Variants in SATB2 observed in about 807,000 individuals in gnomAD.
SATB2 encodes DNA-binding protein SATB2.
A neutral mutation model predicts 73.4 loss-of-function variants in SATB2; 1 was observed. The observed-to-expected ratio is 0.01, with a 90% CI of 0.00 to 0.06. The LOEUF (loss-of-function observed/expected upper bound fraction) is 0.06, where lower values mean the gene tolerates loss of function less well. Among genes scored for constraint, SATB2 ranks in the 10% least tolerant of loss-of-function variants. SATB2 has a pLI of 1.00. For missense variants in SATB2, 459 were observed against 945.8 expected, an observed-to-expected ratio of 0.49 and a Z score of 6.75; for synonymous variants, 397 against 367.0, an observed-to-expected ratio of 1.08 and a Z score of -0.93.
At chr2:199,274,311 GATCC>G (rs1176045226) in intron 10 of SATB2, among the ~76,000 whole-genome samples, 4 of 151,702 alleles carry the variant, frequency 2.6e-5, no homozygotes, top group Non-Finnish European at 5.9e-5. Flanking sequence ...CTACCCATAT[GATCC>G]ATGTCTTTTA....
chr2:199,451,091 AACAC>A (rs56071011), intron 2 of SATB2, among the ~76,000 whole-genome samples: 6,332 of 139,174 alleles, frequency 0.045, 167 homozygotes, highest in East Asian at 0.12. Flanking sequence ...ATGTAGTTCC[AACAC>A]ACACACACAC....
chr2:199,386,696 G>A (rs1290860813), intron 3 of SATB2, among the ~76,000 whole-genome samples: 2 of 418 alleles, frequency 4.8e-3, no homozygotes, highest in African/African-American at 7.9e-3. Context: ...ACGTGCGCAA[G>A]CGCGCGCGCG....
rs369288485 is a variant in SATB2 at position 199,364,728 on chromosome 2, T to C, written c.700+3877A>G. 1.4e-4 allele frequency among the ~76,000 whole-genome samples: 22 copies of C among 152,284 alleles called. No homozygotes were observed. The East Asian group carries it at 3.3e-3, about 23-fold the overall frequency. The stretch of plus-strand genomic sequence containing the variant: ...CAATTCTTGAGGCATATTAAATAAT[T>C]GGGATTGACCTCACCAAAGATGACT... On this transcript the variant is annotated intron_variant, in intron 6 of 10. Transcript: ENST00000417098.
intron 7 of SATB2, among the ~76,000 whole-genome samples, chr2:199,341,387 G>A (rs1431438612): frequency 1.3e-5 from 2 of 152,214 alleles, no homozygotes; most frequent in East Asian, 3.8e-4. Flanking sequence ...GAGTAGGGCC[G>A]AGAGGCAAAG....
intron 3 of SATB2, among the ~76,000 whole-genome samples, chr2:199,383,756 T>C (rs1478379921): frequency 2.6e-5 from 4 of 152,226 alleles, no homozygotes; most frequent in Non-Finnish European, 4.4e-5. Context: ...GTGGTGTCAG[T>C]AGTTGATTCC....
rs143750406 is a variant in SATB2, at chr2:199,324,441, G to A, written c.1387-483C>T. Among the ~76,000 whole-genome samples the A allele has an allele frequency of 7.8e-4, 119 of 152,138 alleles. 1 individual carries two copies. The highest frequency in any genetic ancestry group is 3.3e-3 in the East Asian group (17 of 5,174). On this transcript the variant is annotated intron_variant, in intron 8 of 10. Coordinates refer to ENST00000417098, the MANE Select transcript of SATB2 (RefSeq NM_001172509.2). ...TATTAAAGCTTTACATATGTCATTCGAGTATGTATGGTTTCCCATCATTAT... is the reference window on the plus strand; with the variant it reads ...TATTAAAGCTTTACATATGTCATTCAAGTATGTATGGTTTCCCATCATTAT...
At chr2:199,386,684 A>G (rs1233475110) in intron 3 of SATB2, among the ~76,000 whole-genome samples, 1 of 125,494 alleles carries the variant, frequency 8.0e-6, no homozygotes, top group Non-Finnish European at 1.6e-5. Context: ...AATATTTCAT[A>G]CACGTGCGCA....
chr2:199,273,735 T>C (rs10184595), intron 10 of SATB2, among the ~76,000 whole-genome samples: 5,102 of 152,300 alleles, frequency 0.033, 303 homozygotes, highest in African/African-American at 0.12. Flanking sequence ...GGGTTTTTTT[T>C]CTCCTAATGT....
In SATB2 at chr2:199,315,164, T is replaced by TTC. The variant is rs533442354; in HGVS notation, c.1543-6209_1543-6208dup. Reference sequence around the variant, plus strand: ...CTGTTATCATTTTAACCACTTTCTTTTCTCTCTCTGTGTGTATATATGCAT... The same window carrying TTC: ...CTGTTATCATTTTAACCACTTTCTTTTCTCTCTCTCTGTGTGTATATATGCAT... On this transcript the variant is annotated intron_variant, in intron 9 of 10. Coordinates refer to ENST00000417098, the MANE Select transcript of SATB2 (RefSeq NM_001172509.2). 1.1e-3 allele frequency among the ~76,000 whole-genome samples: 173 copies of TTC among 152,204 alleles called. 1 individual carries two copies. The highest frequency in any genetic ancestry group is 3.9e-3 in the African/African-American group (163 of 41,484).
intron 7 of SATB2, among the ~76,000 whole-genome samples, chr2:199,332,389 C>T (rs1366094603): frequency 6.6e-6 from 1 of 152,020 alleles, no homozygotes; most frequent in Non-Finnish European, 1.5e-5. Flanking sequence ...GGAAGTTGGC[C>T]TTTTCCATAG....
intron 3 of SATB2, among the ~76,000 whole-genome samples, chr2:199,417,066 A>ACACT: frequency 1.3e-5 from 2 of 150,398 alleles, no homozygotes; most frequent in South Asian, 4.2e-4. Context: ...ACACACACAC[A>ACACT]CACACTCACA....
At position 199,457,799 on chromosome 2, in the gene SATB2, G is replaced by A. The variant is rs1326983033; in HGVS notation, c.-520C>T. ...TAGCTCGCGAGGAGGCGCGGCCAGA[G>A]CGGTGGGACCGGTAACACCAAGAGC... On this transcript the variant is annotated 5_prime_UTR_variant, in exon 1 of 11. Coordinates refer to ENST00000417098, the MANE Select transcript of SATB2 (RefSeq NM_001172509.2). This position sits in a 1 kb window ranked among gnomAD's most constrained non-coding sequence, Gnocchi z 4.8. The A allele has an allele frequency of 1.9e-5, 3 of 155,616 alleles. No individual in the cohort carries two copies. Among genetic ancestry groups the A allele is most frequent in the Non-Finnish European group, 4.3e-5 (3 of 70,052 alleles). The allele number at this position is 155,616 out of a possible 1,614,324, so 9.6% of individuals were successfully genotyped here.
chr2:199,331,955 A>T (rs1688202542), intron 7 of SATB2, among the ~76,000 whole-genome samples: 1 of 152,182 alleles, frequency 6.6e-6, no homozygotes, highest in Non-Finnish European at 1.5e-5. Context: ...ATTATCAACC[A>T]GCCAAGCTGG....
chr2:199,401,160 C>T (rs1057329084), intron 3 of SATB2, among the ~76,000 whole-genome samples: 2 of 152,066 alleles, frequency 1.3e-5, no homozygotes, highest in African/African-American at 2.4e-5. Flanking sequence ...TGAACAAGAT[C>T]GACATGGTAA....
upstream of SATB2, chr2:199,458,766 C>G (rs1692382083): frequency 2.5e-6 from 1 of 407,372 alleles, no homozygotes; most frequent in South Asian, 1.7e-5. Flanking sequence ...CCACCGCCTC[C>G]GCCCACCACC....
intron 7 of SATB2, among the ~76,000 whole-genome samples, chr2:199,337,699 A>C (rs1182783439): frequency 6.6e-6 from 1 of 152,198 alleles, no homozygotes; most frequent in African/African-American, 2.4e-5. Flanking sequence ...TAAATTCTGC[A>C]GTCTATACTG....
chr2:199,368,924 G>A (rs1689365022), intron 5 of SATB2: 1 of 457,894 alleles, frequency 2.2e-6, no homozygotes, highest in African/African-American at 2.0e-5. Context: ...AGCCAACCCT[G>A]GGGCAATGTC....
chr2:199,441,539 C>G (rs1691816004), intron 2 of SATB2, among the ~76,000 whole-genome samples: 1 of 152,158 alleles, frequency 6.6e-6, no homozygotes, highest in Non-Finnish European at 1.5e-5. Context: ...TCAGAATTCT[C>G]TCTAGTAAAA....
chr2:199,441,508 A>G (rs1220028168), intron 2 of SATB2, among the ~76,000 whole-genome samples: 2 of 152,224 alleles, frequency 1.3e-5, no homozygotes, highest in East Asian at 1.9e-4. Flanking sequence ...GTTGAGAATG[A>G]TATCAAGAAA....
Sources: allele counts gnomAD v4.1 joint callset (sites outside exome capture counted in the v4.1 genomes callset), GRCh38; gene constraint gnomAD v4.1.1; non-coding constraint Gnocchi (gnomAD v3.1); transcripts MANE v1.5; gene names NCBI Gene and HGNC (gene_info 2026-07-23, HGNC 2026-07-21).